ALK: variants seen among roughly 807,000 people sequenced by gnomAD.
The protein encoded by ALK is ALK receptor tyrosine kinase, also known as ALK tyrosine kinase receptor.
In ALK, 74 loss-of-function variants were observed where a neutral mutation model predicts 163.1. The ratio of observed to expected loss-of-function variants is 0.45; its 90% CI spans 0.38 to 0.55. ALK has a LOEUF of 0.55. ALK is among the 20% of genes least tolerant of loss of function. The pLI is 0.00. For missense variants in ALK, 2,063 were observed against 2,105.3 expected (o/e 0.98, Z 0.39); for synonymous variants, 960 against 843.2 (o/e 1.14, Z -2.40).
chr2:29,576,457 G>T (rs931081199), intron 3 of ALK, among the ~76,000 whole-genome samples: 20 of 152,200 alleles, frequency 1.3e-4, no homozygotes, highest in Admixed American at 1.2e-3. Context: ...TGCCAACTTG[G>T]TAAGGGCAGG....
At chr2:29,209,646 G>C (rs1329929122) in intron 25 of ALK, 140 bp downstream of exon 25, 3 of 651,014 alleles carry the variant, frequency 4.6e-6, no homozygotes, top group Non-Finnish European at 8.1e-6. Context: ...CCCATAGCCT[G>C]AAAAGGAACT....
At chr2:29,778,704 A>G (rs1681247752) in intron 1 of ALK, among the ~76,000 whole-genome samples, 1 of 152,144 alleles carries the variant, frequency 6.6e-6, no homozygotes, top group South Asian at 2.1e-4. Flanking sequence ...AGAAAAGGCA[A>G]CACTACAACT....
At chr2:29,808,019 G>A (rs1664664180) in intron 1 of ALK, among the ~76,000 whole-genome samples, 1 of 151,916 alleles carries the variant, frequency 6.6e-6, no homozygotes, top group Admixed American at 6.6e-5. Context: ...ACTTTGATTT[G>A]GCCAAAGCAT....
chr2:29,366,753 A>G (rs1156331928), intron 5 of ALK, among the ~76,000 whole-genome samples: 1 of 152,204 alleles, frequency 6.6e-6, no homozygotes, highest in African/African-American at 2.4e-5. Flanking sequence ...GAGAAGAACA[A>G]TTCTGAATTA....
chr2:29,462,408 C>A (rs781677085), intron 4 of ALK, among the ~76,000 whole-genome samples: 4 of 152,106 alleles, frequency 2.6e-5, no homozygotes, highest in Non-Finnish European at 5.9e-5. Flanking sequence ...TCATTGCTGT[C>A]ATTTTTAAAA....
At chr2:29,295,438 C>T (rs985698208) in intron 9 of ALK, among the ~76,000 whole-genome samples, 11 of 152,154 alleles carry the variant, frequency 7.2e-5, no homozygotes, top group African/African-American at 2.4e-4. Context: ...CTCCACAATC[C>T]CCAAAGACAA....
In ALK at chr2:29,223,422, G is replaced by A. The variant is rs779601068; in HGVS notation, c.3279C>T (p.Asn1093=). 4 of 1,614,208 alleles carry A rather than the reference G, an allele frequency of 2.5e-6. No homozygotes were observed. In the Admixed American group the frequency reaches 5.0e-5, roughly 20 times the overall value. The change falls in exon 20 of 29, where the codon AAC becomes AAT. Residue 1093 remains asparagine, a synonymous_variant. Coordinates refer to ENST00000389048, the MANE Select transcript of ALK (RefSeq NM_004304.5). The stretch of plus-strand genomic sequence containing the variant: ...TCTTGCCAGCAAAGCAGTAGTTGGG[G>A]TTGTAGTCGGTCATGATGGTCGAGG... ...LRTSTIMTDY[N]PNYCFAGKTS... is the part of the protein sequence containing the mutation.
intron 1 of ALK, among the ~76,000 whole-genome samples, chr2:29,808,401 A>G (rs1290362225): frequency 2.0e-5 from 3 of 152,218 alleles, no homozygotes; most frequent in Non-Finnish European, 4.4e-5. Context: ...GGATCCCAAG[A>G]GTCTCAGTCC....
intron 3 of ALK, among the ~76,000 whole-genome samples, chr2:29,661,261 T>A (rs369270799): frequency 4.6e-5 from 7 of 152,326 alleles, no homozygotes; most frequent in African/African-American, 1.7e-4. Context: ...CAGACGGGTC[T>A]GACTTCACTG....
intron 1 of ALK, among the ~76,000 whole-genome samples, chr2:29,743,969 G>GA (rs1558469065): frequency 1.3e-5 from 2 of 149,180 alleles, no homozygotes; most frequent in African/African-American, 4.9e-5. Context: ...CTTAGACCAT[G>GA]TTTTTTTTTT....
intron 23 of ALK, among the ~76,000 whole-genome samples, chr2:29,214,499 G>A (rs970317321): frequency 7.9e-5 from 12 of 152,148 alleles, no homozygotes; most frequent in Non-Finnish European, 1.5e-4. Context: ...CAGGGGAATA[G>A]GGGAGTTTTA....
chr2:29,718,920 C>G (rs77791547), intron 1 of ALK, among the ~76,000 whole-genome samples: 9,828 of 152,190 alleles, frequency 0.065, 1,050 homozygotes, highest in African/African-American at 0.22. Flanking sequence ...AGGCATTTTC[C>G]CAGTCTGCCT....
chr2:29,351,243 G>T (rs1022836561), intron 5 of ALK, among the ~76,000 whole-genome samples: 3 of 152,102 alleles, frequency 2.0e-5, no homozygotes, highest in Non-Finnish European at 4.4e-5. Flanking sequence ...ATTTTTGTGG[G>T]GGTGAAGACA....
At chr2:29,530,201 C>G (rs67230724) in intron 4 of ALK, among the ~76,000 whole-genome samples, 18,354 of 151,866 alleles carry the variant, frequency 0.12, 1,400 homozygotes, top group Non-Finnish European at 0.18. Flanking sequence ...TTTCCTCTCT[C>G]TGCCTCAGTT....
intron 4 of ALK, among the ~76,000 whole-genome samples, chr2:29,413,790 C>T (rs1056996411): frequency 1.3e-5 from 2 of 152,180 alleles, no homozygotes; most frequent in African/African-American, 2.4e-5. Context: ...GCCTCAGCCT[C>T]CTATAGTGCT....
intron 1 of ALK, among the ~76,000 whole-genome samples, chr2:29,833,919 T>C (rs1395254680): frequency 6.6e-6 from 1 of 152,210 alleles, no homozygotes; most frequent in African/African-American, 2.4e-5. Context: ...CTTATAGACT[T>C]TGACATTACC....
chr2:29,603,515 T>C lies in ALK; in HGVS notation c.953-71399A>G, dbSNP rs538320667. On this transcript the variant is annotated intron_variant, in intron 3 of 28. Transcript: ENST00000389048. ...CTGTTTTCATGTTAATGCCAGTTAG[T>C]TGTGCCTGCATTCCAAAGGAAGGAG... 1.2e-4 allele frequency among the ~76,000 whole-genome samples: 18 copies of C among 152,272 alleles called. No homozygotes were observed. The South Asian group carries it at 2.1e-3, about 18-fold the overall frequency.
At chr2:29,341,206 C>T (rs1667781612) in intron 5 of ALK, among the ~76,000 whole-genome samples, 1 of 152,186 alleles carries the variant, frequency 6.6e-6, no homozygotes, top group Non-Finnish European at 1.5e-5. Flanking sequence ...ACAAAGCTGG[C>T]ATTTGTTCAC....
At chr2:29,353,841 A>G (rs1558689790) in intron 5 of ALK, among the ~76,000 whole-genome samples, 1 of 152,252 alleles carries the variant, frequency 6.6e-6, no homozygotes, top group Non-Finnish European at 1.5e-5. Flanking sequence ...AACCTAATGC[A>G]TTCAGACTCT....
Sources: gnomAD v4.1 joint callset for allele counts (sites outside exome capture counted in the v4.1 genomes callset) on GRCh38, gnomAD v4.1.1 for gene constraint, MANE v1.5 for transcripts, NCBI Gene and HGNC (gene_info 2026-07-23, HGNC 2026-07-21) for gene names.